Variants in SCG3 observed in about 807,000 individuals in gnomAD.
SCG3 encodes secretogranin-3.
In SCG3, 38 loss-of-function variants were observed where a neutral mutation model predicts 56.2. The ratio of observed to expected loss-of-function variants is 0.68; its 90% confidence interval spans 0.52 to 0.89. The LOEUF (loss-of-function observed/expected upper bound fraction) is 0.89. Among genes scored for constraint, SCG3 ranks in the 40% least tolerant of loss-of-function variants. The probability of loss-of-function intolerance (pLI) is 0.00; values close to 1 mark genes in which losing one functional copy is unlikely to be tolerated. For missense variants in SCG3, 524 were observed against 540.7 expected (o/e 0.97, Z 0.31); for synonymous variants, 176 against 184.2 (o/e 0.96, Z 0.36).
Position 51,683,266 on chromosome 15 carries a change from C to T in SCG3, c.229C>T (p.Leu77=). Residue 77 remains leucine, a synonymous_variant, in exon 4 of 12, where the codon CTG becomes TTG. Transcript: ENST00000220478. ...SNYSFVDNLN[L]LKAITEKEKI... ...CTATTCTTTTGTTGATAACTTGAAC[C>T]TGCTAAAGGCAATAACAGAAAAGGA... The T allele has an allele frequency of 6.2e-7, 1 of 1,613,792 alleles. No homozygotes were observed. Among genetic ancestry groups the T allele is most frequent in the East Asian group, 2.2e-5 (1 of 44,830 alleles).
rs1279303180 is a variant in SCG3 at position 51,688,369 on chromosome 15, C to A, written c.507C>A (p.Asp169Glu). 2.5e-6 allele frequency: 4 copies of A among 1,613,722 alleles called. No homozygotes were observed. In the South Asian group the frequency reaches 4.4e-5, roughly 18 times the overall value. The change falls in exon 5 of 12, where the codon GAC becomes GAA. Residue 169 changes from aspartate to glutamate, a missense_variant. Physicochemically the swap from Asp to Glu is conservative, Grantham distance 45 (BLOSUM62 2). Transcript: ENST00000220478. ...AAGAAAATGACAGAGCCGTGTTTGA[C>A]AAGATTGTTTCTAAACTACTTAATC... ...IYEENDRAVF[D>E]KIVSKLLNLG...
intron 8 of SCG3, among the ~76,000 whole-genome samples, chr15:51,696,765 G>A (rs887004302): frequency 3.9e-5 from 6 of 152,014 alleles, no homozygotes; most frequent in African/African-American, 1.2e-4. Context: ...ATCAGATCTC[G>A]TGAGAATTCA....
At chr15:51,686,691 G>T (rs2055231023) in intron 4 of SCG3, among the ~76,000 whole-genome samples, 1 of 151,784 alleles carries the variant, frequency 6.6e-6, no homozygotes, top group Admixed American at 6.6e-5. Flanking sequence ...ATGTTTGTTT[G>T]TTTGTTTGTT....
chr15:51,695,524 A>G lies in SCG3; in HGVS notation c.869-351A>G, dbSNP rs373317864. 58 of 160,758 alleles carry G rather than the reference A, an allele frequency of 3.6e-4. 1 individual carries two copies. In the East Asian group the frequency reaches 9.4e-3, roughly 26 times the overall value. 10.0% of individuals were successfully genotyped at this position (160,758 alleles called of 1,614,324 possible). ...AGCTGTATCTTACCCTATATTTCCA[A>G]TCAAGCTTAGATTTTTTGTAAGTTA... On this transcript the variant is annotated intron_variant, in intron 7 of 11. Coordinates refer to ENST00000220478, the MANE Select transcript of SCG3 (RefSeq NM_013243.4).
chr15:51,690,086 C>G (rs903326754), intron 6 of SCG3, among the ~76,000 whole-genome samples: 2 of 152,158 alleles, frequency 1.3e-5, no homozygotes, highest in South Asian at 4.1e-4. Context: ...CCAATCCCCC[C>G]ACAAAGAAGT....
intron 11 of SCG3, among the ~76,000 whole-genome samples, chr15:51,716,424 G>A (rs1425632668): frequency 2.0e-5 from 3 of 152,142 alleles, no homozygotes; most frequent in Non-Finnish European, 4.4e-5. Context: ...ATAAAAATGA[G>A]CATTTATTGA....
At position 51,683,262 on chromosome 15, in the gene SCG3, G is replaced by T; in HGVS notation, c.225G>T (p.Leu75Phe). ...GCAACTATTCTTTTGTTGATAACTT[G>T]AACCTGCTAAAGGCAATAACAGAAA... The part of the protein sequence containing the change: ...GQSNYSFVDN[L>F]NLLKAITEKE... The change falls in exon 4 of 12, where the codon TTG (leucine) becomes TTT (phenylalanine). Residue 75 changes from leucine to phenylalanine, a missense_variant. By Grantham distance (22) the Leu-to-Phe change is conservative. Coordinates refer to ENST00000220478, the MANE Select transcript of SCG3 (RefSeq NM_013243.4). The T allele has an allele frequency of 6.2e-7, 1 of 1,613,830 alleles. No individual in the cohort carries two copies. Among genetic ancestry groups the T allele is most frequent in the South Asian group, 1.1e-5 (1 of 91,050 alleles).
In SCG3 at chr15:51,681,751, G is replaced by A. The variant is rs1178647310; in HGVS notation, c.-5G>A. ...CGGGCTGTGACCCAAGCCGAGCGTGGAAGAATGGGGTTCCTCGGGACCGGC... is the reference window on the plus strand; with the variant it reads ...CGGGCTGTGACCCAAGCCGAGCGTGAAAGAATGGGGTTCCTCGGGACCGGC... On this transcript the variant is annotated 5_prime_UTR_variant, in exon 1 of 12. Coordinates refer to ENST00000220478, the MANE Select transcript of SCG3 (RefSeq NM_013243.4). 6.2e-7 allele frequency: 1 copy of A among 1,613,674 alleles called. No homozygotes were observed. The highest frequency in any genetic ancestry group is 8.5e-7 in the Non-Finnish European group (1 of 1,179,668).
At chr15:51,699,509 T>C in intron 9 of SCG3, 107 bp downstream of exon 9, 2 of 823,136 alleles carry the variant, frequency 2.4e-6, no homozygotes, top group Non-Finnish European at 3.9e-6. Flanking sequence ...TTTTGAAAAG[T>C]GTTAAAATCT....
chr15:51,707,311 T>C (rs2055382623), intron 10 of SCG3, among the ~76,000 whole-genome samples: 1 of 152,236 alleles, frequency 6.6e-6, no homozygotes, highest in Non-Finnish European at 1.5e-5. Flanking sequence ...GCCTATTTAA[T>C]AAGTTGATAA....
At chr15:51,704,741 C>T (rs1384966804) in intron 10 of SCG3, among the ~76,000 whole-genome samples, 1 of 95,410 alleles carries the variant, frequency 1.0e-5, no homozygotes, top group Non-Finnish European at 2.3e-5. Flanking sequence ...GTTGCTTCTA[C>T]CTTTTGGCTG....
intron 10 of SCG3, among the ~76,000 whole-genome samples, chr15:51,709,887 ATTTTTTT>A (rs67775073): frequency 7.1e-5 from 6 of 84,812 alleles, no homozygotes; most frequent in South Asian, 4.4e-4. Context: ...CGCCCGGCTA[ATTTTTTT>A]TTTTTTTTTT....
At chr15:51,689,400 GGTGTGTGTGT>G (rs3841591) in intron 6 of SCG3, 32 bp downstream of exon 6, 74 of 1,177,504 alleles carry the variant, frequency 6.3e-5, no homozygotes, top group Middle Eastern at 2.3e-4. Context: ...TATGCATGGG[GGTGTGTGTGT>G]GTGTGTGTGT....
chr15:51,718,993 C>G (rs1485372236), intron 11 of SCG3, among the ~76,000 whole-genome samples: 2 of 152,132 alleles, frequency 1.3e-5, no homozygotes, highest in African/African-American at 4.8e-5. Context: ...GGTTCCTAGA[C>G]CAACAGCATC....
chr15:51,704,762 T>TAC (rs1161546926), intron 10 of SCG3, among the ~76,000 whole-genome samples: 23 of 98,714 alleles, frequency 2.3e-4, no homozygotes, highest in African/African-American at 8.3e-4. Context: ...TTGTGAGTAA[T>TAC]ACATATATAT....
intron 10 of SCG3, among the ~76,000 whole-genome samples, chr15:51,708,776 G>A (rs1033723271): frequency 6.6e-6 from 1 of 151,890 alleles, no homozygotes; most frequent in Non-Finnish European, 1.5e-5. Flanking sequence ...GGAGAATGGC[G>A]TAAATCCGGG....
chr15:51,719,875 A>AG lies in SCG3; in HGVS notation c.*354dup, dbSNP rs926972431. The AG allele has an allele frequency of 5.4e-6, 1 of 185,618 alleles. No homozygotes were observed. The highest frequency in any genetic ancestry group is 2.4e-5 in the African/African-American group (1 of 42,542). The allele number at this position is 185,618 out of a possible 1,614,324, so 11.5% of individuals were successfully genotyped here. A position where few individuals can be genotyped will look rare whatever the true frequency, so the allele number is the denominator to read the frequency against. On this transcript the variant is annotated 3_prime_UTR_variant, in exon 12 of 12. Transcript: ENST00000220478. ...CACATAAGCACTCCCCGAAGAATTA[A>AG]GGGGGTTCTGTTTTCAAGGCATGCC...
chr15:51,696,846 T>C (rs1351667464), intron 8 of SCG3, among the ~76,000 whole-genome samples: 1 of 152,018 alleles, frequency 6.6e-6, no homozygotes, highest in Non-Finnish European at 1.5e-5. Flanking sequence ...CATGATCCAA[T>C]CACCTCCCAC....
At chr15:51,688,221 A>T in intron 4 of SCG3, 39 bp from the exon 5 acceptor site, 1 of 1,579,032 alleles carries the variant, frequency 6.3e-7, no homozygotes, top group Non-Finnish European at 8.7e-7. Context: ...AAATAGATCT[A>T]TGATCACTAT....
Sources: gnomAD v4.1 joint callset for allele counts (sites outside exome capture counted in the v4.1 genomes callset) on GRCh38, gnomAD v4.1.1 for gene constraint, MANE v1.5 for transcripts, NCBI Gene and HGNC (gene_info 2026-07-23, HGNC 2026-07-21) for gene names.